Variants in CACNA1S observed in about 807,000 individuals in gnomAD.
The protein encoded by CACNA1S is voltage-dependent L-type calcium channel subunit alpha-1S.
CACNA1S carries 126 observed loss-of-function variants against 207.4 expected under a neutral mutation model. The observed-to-expected ratio is 0.61, with a 90% CI of 0.53 to 0.70. CACNA1S has a LOEUF of 0.70. CACNA1S is among the 30% of genes least tolerant of loss of function. The probability of loss-of-function intolerance (pLI) is 0.00; values close to 1 mark genes in which losing one functional copy is unlikely to be tolerated. For synonymous variants in CACNA1S, 960 were observed against 932.7 expected, an observed-to-expected ratio of 1.03 and a Z score of -0.53; for missense variants, 2,349 against 2,422.8, an observed-to-expected ratio of 0.97 and a Z score of 0.64.
chr1:201,067,019 G>A, intron 19 of CACNA1S, 26 bp from the exon 20 acceptor site: 7 of 1,504,406 alleles, frequency 4.7e-6, no homozygotes, highest in Non-Finnish European at 5.5e-6. Context: ...CAGCAGCCTG[G>A]ATGGAGGAGC....
chr1:201,040,158 C>T (rs1034542271), intron 43 of CACNA1S, 73 bp downstream of exon 43: 11 of 1,611,670 alleles, frequency 6.8e-6, no homozygotes, highest in Admixed American at 1.7e-5. Flanking sequence ...TTGGCCCTAC[C>T]CTCTCTCCAC....
In CACNA1S at chr1:201,089,345, G is replaced by A. The variant is rs1662145780; in HGVS notation, c.813C>T (p.Gly271=). ...CRGGWPGPNH[G]ITHFDNFGFS... Reference sequence around the variant, plus strand: ...AGCCGAAGTTGTCGAAGTGGGTGATGCCATGGTTGGGCCCTGGCCAGCCGC... The same window carrying A: ...AGCCGAAGTTGTCGAAGTGGGTGATACCATGGTTGGGCCCTGGCCAGCCGC... Residue 271 remains glycine (G), a synonymous_variant, in exon 6 of 44, where the codon GGC becomes GGT. Coordinates refer to ENST00000362061, the MANE Select transcript of CACNA1S (RefSeq NM_000069.3). 1 of 1,614,270 alleles carries A rather than the reference G, an allele frequency of 6.2e-7. No homozygotes were observed. Among genetic ancestry groups the A allele is most frequent in the East Asian group, 2.2e-5 (1 of 44,892 alleles).
chr1:201,044,227 A>G, intron 39 of CACNA1S, 101 bp downstream of exon 39: 4 of 1,482,082 alleles, frequency 2.7e-6, no homozygotes, highest in Non-Finnish European at 3.7e-6. Context: ...TTCAGCTCCC[A>G]TGTCCCCCTC....
rs143933255 is a variant in CACNA1S, at chr1:201,043,375, G to T, written c.4954C>A (p.Arg1652Ser). The T allele has an allele frequency of 1.2e-6, 2 of 1,614,068 alleles. No homozygotes were observed. Among genetic ancestry groups the T allele is most frequent in the African/African-American group, 2.7e-5 (2 of 74,924 alleles). The change falls in exon 40 of 44, where the codon CGC becomes AGC. Residue 1652 changes from arginine to serine, a missense_variant. Coordinates refer to ENST00000362061, the MANE Select transcript of CACNA1S (RefSeq NM_000069.3). The part of the protein sequence containing the change: ...VFLEDFPQDP[R>S]TNPLARANTN... Reference sequence around the variant, plus strand: ...TTGGCACGAGCCAGGGGGTTGGTGCGTGGATCTTGTGGGAAGTCCTCCAAG... The same window carrying T: ...TTGGCACGAGCCAGGGGGTTGGTGCTTGGATCTTGTGGGAAGTCCTCCAAG...
chr1:201,083,333 G>C lies in CACNA1S; in HGVS notation c.1233-11C>G. The C allele has an allele frequency of 3.1e-6, 5 of 1,613,986 alleles. No individual in the cohort carries two copies. Among genetic ancestry groups the C allele is most frequent in the Non-Finnish European group, 4.2e-6 (5 of 1,179,870 alleles). On this transcript the variant is annotated splice_polypyrimidine_tract_variant and intron_variant, in intron 9 of 43. Coordinates refer to ENST00000362061, the MANE Select transcript of CACNA1S (RefSeq NM_000069.3). ...TGCCTCCAATGTCGGCTGAGGGAGG[G>C]GACAGAGGATGGTCTACAGTGCTGT...
chr1:201,075,446 C>A, intron 13 of CACNA1S, 49 bp downstream of exon 13: 2 of 1,597,462 alleles, frequency 1.3e-6, no homozygotes, highest in Non-Finnish European at 1.7e-6. Flanking sequence ...AGCCCTTTCC[C>A]CCACCCCCTC....
At position 201,053,446 on chromosome 1, in the gene CACNA1S, G is replaced by A. The variant is rs1660727879; in HGVS notation, c.3795+13C>T. The A allele has an allele frequency of 6.2e-7, 1 of 1,614,130 alleles. No homozygotes were observed. Among genetic ancestry groups the A allele is most frequent in the Non-Finnish European group, 8.5e-7 (1 of 1,179,998 alleles). ...TCCCCAGGTACGTGCAGTTTCCAGG[G>A]TCCCTGTTGCACCTGGAAGGACTTG... On this transcript the variant is annotated intron_variant, in intron 30 of 43. Transcript: ENST00000362061. This position sits in a 1 kb window ranked among gnomAD's most constrained non-coding sequence, Gnocchi z 5.1.
chr1:201,053,723 C>G lies in CACNA1S; in HGVS notation c.3667-136G>C. 1 of 890,548 alleles carries G rather than the reference C, an allele frequency of 1.1e-6. No homozygotes were observed. Among genetic ancestry groups the G allele is most frequent in the Non-Finnish European group, 1.7e-6 (1 of 572,070 alleles). The allele number at this position is 890,548 out of a possible 1,614,324, so 55.2% of individuals were successfully genotyped here. A position where few individuals can be genotyped will look rare whatever the true frequency, so the allele number is the denominator to read the frequency against. On this transcript the variant is annotated intron_variant, in intron 29 of 43. Transcript: ENST00000362061. The surrounding 1 kb of genome is among the most constrained non-coding windows in gnomAD (Gnocchi z 5.1). Reference sequence around the variant, plus strand: ...GAGGAACTCCAGCCCCGCCTCTGGCCCCTGCTGTCCACTAGTTCGGGACCA... The same window carrying G: ...GAGGAACTCCAGCCCCGCCTCTGGCGCCTGCTGTCCACTAGTTCGGGACCA...
At chr1:201,061,771 G>A (rs1222743113) in intron 24 of CACNA1S, among the ~76,000 whole-genome samples, 173 bp downstream of exon 24, 5 of 152,226 alleles carry the variant, frequency 3.3e-5, no homozygotes, top group African/African-American at 1.2e-4. Flanking sequence ...CCCTGGTCAG[G>A]CCTACTTTGG....
chr1:201,042,982 C>A, intron 40 of CACNA1S: 1 of 398,862 alleles, frequency 2.5e-6, no homozygotes, highest in East Asian at 5.8e-5. Flanking sequence ...AAGATCCTCT[C>A]CTAACCTATC....
rs138768414 is a variant in CACNA1S at position 201,044,420 on chromosome 1, C to T, written c.4705G>A (p.Glu1569Lys). The change falls in exon 39 of 44, where the codon GAG (glutamate) becomes AAG (lysine). Residue 1569 changes from glutamate (E) to lysine (K), a missense_variant. Glu to Lys is a moderately conservative substitution (Grantham distance 56). Transcript: ENST00000362061. ...TCTCCTGAGACCGTGCGACAGATCT[C>T]GGGGGCTGCCTCTTCCTCAATGGTC... is the stretch of plus-strand genomic sequence containing the variant. ...LRTIEEEAAP[E>K]ICRTVSGDLA... 1.7e-5 allele frequency: 27 copies of T among 1,613,508 alleles called. No homozygotes were observed. In the African/African-American group the frequency reaches 2.0e-4, roughly 12 times the overall value.
chr1:201,061,041 G>A (rs1055920964), intron 25 of CACNA1S, among the ~76,000 whole-genome samples: 1 of 152,232 alleles, frequency 6.6e-6, no homozygotes, highest in African/African-American at 2.4e-5. Flanking sequence ...GGTCTGAAGG[G>A]CTTCCTTTCT....
chr1:201,054,562 CTG>C lies in CACNA1S; in HGVS notation c.3610-3_3610-2del. The C allele has an allele frequency of 6.2e-7, 1 of 1,612,908 alleles. No homozygotes were observed. Among genetic ancestry groups the C allele is most frequent in the Non-Finnish European group, 8.5e-7 (1 of 1,179,508 alleles). On this transcript the variant is annotated splice_acceptor_variant and splice_polypyrimidine_tract_variant and intron_variant, in intron 28 of 43. Coordinates refer to ENST00000362061, the MANE Select transcript of CACNA1S (RefSeq NM_000069.3). LOFTEE classifies it high-confidence loss of function. The stretch of plus-strand genomic sequence containing the variant: ...GTCCCCCGCTGGAGGCCAGGAAAGT[CTG>C]TGGAGAAAAGAGACGAAGGGAGGGG...
intron 15 of CACNA1S, 127 bp from the exon 16 acceptor site, chr1:201,072,951 A>G (rs1661475221): frequency 2.5e-6 from 2 of 800,326 alleles, no homozygotes; most frequent in Admixed American, 3.6e-5. Flanking sequence ...AGGAACAGGG[A>G]ATATTATGAT....
At chr1:201,110,944 C>T (rs534995180) in intron 1 of CACNA1S, among the ~76,000 whole-genome samples, 2 of 152,244 alleles carry the variant, frequency 1.3e-5, no homozygotes, top group Admixed American at 6.5e-5. Context: ...AGGGAGGAAG[C>T]GAGGGAGTTG....
At chr1:201,096,963 G>A (rs1002247467) in intron 2 of CACNA1S, among the ~76,000 whole-genome samples, 5 of 152,244 alleles carry the variant, frequency 3.3e-5, no homozygotes, top group South Asian at 2.1e-4. Context: ...TGTTTGAAAC[G>A]GAACTCCTTC....
chr1:201,096,114 C>T (rs1412650937), intron 2 of CACNA1S, among the ~76,000 whole-genome samples: 3 of 152,338 alleles, frequency 2.0e-5, no homozygotes, highest in Admixed American at 6.5e-5. Context: ...ACTGCCTGCA[C>T]CTGCCACTGC....
intron 19 of CACNA1S, 45 bp downstream of exon 19, chr1:201,069,092 T>C (rs772018224): frequency 5.2e-6 from 8 of 1,541,170 alleles, no homozygotes; most frequent in Non-Finnish European, 7.2e-6. Context: ...TGGAGCCACA[T>C]CAGGGAAACT....
chr1:201,107,716 C>G (rs1469100570), intron 2 of CACNA1S, among the ~76,000 whole-genome samples: 2 of 152,226 alleles, frequency 1.3e-5, no homozygotes, highest in African/African-American at 4.8e-5. Flanking sequence ...CTGCCCTTTT[C>G]TACTCTGACT....
Sources: allele counts gnomAD v4.1 joint callset (sites outside exome capture counted in the v4.1 genomes callset), GRCh38; gene constraint gnomAD v4.1.1; non-coding constraint Gnocchi (gnomAD v3.1); transcripts MANE v1.5; gene names NCBI Gene and HGNC (gene_info 2026-07-23, HGNC 2026-07-21).